The following PEAK1 variants were observed in gnomAD, a reference collection of about 807,000 sequenced individuals.
PEAK1 encodes pseudopodium enriched atypical kinase 1.
In PEAK1, 54 loss-of-function variants were observed where a neutral mutation model predicts 124.7. The observed-to-expected ratio is 0.43, with a 90% CI of 0.35 to 0.54. The LOEUF (loss-of-function observed/expected upper bound fraction) is 0.54. Ranked by LOEUF, PEAK1 falls within the 20% of genes least tolerant of loss-of-function variation. The pLI is 0.01. For synonymous variants in PEAK1, 719 were observed against 760.0 expected (o/e 0.95, Z 0.89); for missense variants, 2,046 against 2,134.5 (o/e 0.96, Z 0.82).
At chr15:77,403,066 A>T in intron 1 of PEAK1, 1 of 985,206 alleles carries the variant, frequency 1.0e-6, no homozygotes, top group Non-Finnish European at 1.2e-6. Flanking sequence ...AAAAAGATGG[A>T]GTTTCTCTCA....
chr15:77,131,325 T>C (rs1385612268), intron 9 of PEAK1, among the ~76,000 whole-genome samples: 1 of 152,040 alleles, frequency 6.6e-6, no homozygotes, highest in Non-Finnish European at 1.5e-5. Flanking sequence ...AAACCCCGTG[T>C]CTACTAAAAA....
chr15:77,150,643 C>G (rs1159506199), intron 8 of PEAK1, among the ~76,000 whole-genome samples: 1 of 149,648 alleles, frequency 6.7e-6, no homozygotes, highest in Non-Finnish European at 1.5e-5. Context: ...GGTATATCTC[C>G]TAATGCTATC....
intron 2 of PEAK1, among the ~76,000 whole-genome samples, chr15:77,286,787 C>A (rs2062952714): frequency 6.6e-6 from 1 of 152,086 alleles, no homozygotes; most frequent in African/African-American, 2.4e-5. Flanking sequence ...ATAGCAGTAC[C>A]TCTGCTAAAG....
At chr15:77,360,380 T>C (rs1240396183) in intron 2 of PEAK1, among the ~76,000 whole-genome samples, 2 of 152,050 alleles carry the variant, frequency 1.3e-5, no homozygotes, top group Non-Finnish European at 2.9e-5. Context: ...AATAAGTAAA[T>C]AAATACTTTT....
intron 1 of PEAK1, chr15:77,402,129 G>A: frequency 1.1e-6 from 1 of 929,348 alleles, no homozygotes; most frequent in Admixed American, 6.5e-5. Context: ...AACCCGGGAG[G>A]CAGAGGTTGT....
chr15:77,134,545 A>G (rs2053153715), intron 8 of PEAK1, among the ~76,000 whole-genome samples: 1 of 152,240 alleles, frequency 6.6e-6, no homozygotes, highest in Non-Finnish European at 1.5e-5. Flanking sequence ...AGCCCTAGTT[A>G]GAGAACCATT....
rs1005844153 is a variant in PEAK1 at position 77,282,032 on chromosome 15, G to C, written c.-275+1851C>G. On this transcript the variant is annotated intron_variant, in intron 5 of 9. Transcript: ENST00000682557. ...GCTAAGCAGCAATACACTTACAAAA[G>C]AAAAAACCAATCAATATTTCCATAT... Among the ~76,000 whole-genome samples, 3 of 152,014 alleles carry C rather than the reference G, an allele frequency of 2.0e-5. 1 individual carries two copies. The highest frequency in any genetic ancestry group is 2.9e-5 in the Non-Finnish European group (2 of 67,964).
intron 5 of PEAK1, among the ~76,000 whole-genome samples, chr15:77,279,162 G>C (rs2062524035): frequency 6.6e-6 from 1 of 151,640 alleles, no homozygotes; most frequent in South Asian, 2.1e-4. Context: ...TTAGCACACA[G>C]AACACTTACT....
chr15:77,156,073 TTG>T (rs1221988116), intron 8 of PEAK1: 2 of 152,948 alleles, frequency 1.3e-5, no homozygotes, highest in Admixed American at 1.3e-4. Flanking sequence ...TGCTGTCCTT[TTG>T]TTTGTCTGTG....
At position 77,286,518 on chromosome 15, in the gene PEAK1, C is replaced by A. The variant is rs776193686; in HGVS notation, c.-602-14G>T. On this transcript the variant is annotated splice_polypyrimidine_tract_variant and intron_variant, in intron 2 of 9. Transcript: ENST00000682557. ...AGTATTCTTTTCCTATTAGAAGATG[C>A]AAAGTGGGGAAGATATATTAATAAA... 1.4e-5 allele frequency: 17 copies of A among 1,191,630 alleles called. No homozygotes were observed. Among genetic ancestry groups the A allele is most frequent in the Non-Finnish European group, 1.7e-5 (16 of 951,900 alleles). 73.8% of individuals were successfully genotyped at this position (1,191,630 alleles called of 1,614,324 possible). A position where few individuals can be genotyped will look rare whatever the true frequency, so the allele number is the denominator to read the frequency against.
chr15:77,236,641 G>A (rs1375052028), intron 6 of PEAK1, among the ~76,000 whole-genome samples: 1 of 152,120 alleles, frequency 6.6e-6, no homozygotes, highest in African/African-American at 2.4e-5. Context: ...ACTGTTGGAA[G>A]GGTAAGATTG....
intron 2 of PEAK1, among the ~76,000 whole-genome samples, chr15:77,326,056 C>A (rs1167294136): frequency 1.3e-5 from 2 of 152,014 alleles, no homozygotes; most frequent in African/African-American, 2.4e-5. Context: ...ACTAAATGTT[C>A]TAAATTGTAA....
At chr15:77,314,386 T>A (rs796713137) in intron 2 of PEAK1, among the ~76,000 whole-genome samples, 38 of 152,194 alleles carry the variant, frequency 2.5e-4, no homozygotes, top group African/African-American at 8.7e-4. Context: ...TCTTTTTTTT[T>A]AAGACAGAGT....
chr15:77,288,331 A>G (rs892248648), intron 2 of PEAK1, among the ~76,000 whole-genome samples: 3 of 152,174 alleles, frequency 2.0e-5, no homozygotes, highest in African/African-American at 7.2e-5. Flanking sequence ...TCTCTTTGCC[A>G]GTATATCTTT....
At chr15:77,356,558 G>C (rs1393348304) in intron 2 of PEAK1, among the ~76,000 whole-genome samples, 4 of 152,154 alleles carry the variant, frequency 2.6e-5, no homozygotes, top group Non-Finnish European at 5.9e-5. Flanking sequence ...ATTGACAAGA[G>C]TCATGGATAG....
At chr15:77,115,340 T>C in intron 9 of PEAK1, 21 bp from the exon 10 acceptor site, 1 of 1,593,802 alleles carries the variant, frequency 6.3e-7, no homozygotes, top group South Asian at 1.1e-5. Flanking sequence ...ATAAAACAAT[T>C]CAAAACTCAC....
At chr15:77,216,183 C>G (rs1023894087) in intron 6 of PEAK1, among the ~76,000 whole-genome samples, 15 of 152,204 alleles carry the variant, frequency 9.9e-5, no homozygotes, top group African/African-American at 3.6e-4. Flanking sequence ...AAACAGTACA[C>G]TGCTCCATTT....
intron 6 of PEAK1, among the ~76,000 whole-genome samples, 181 bp from the exon 7 acceptor site, chr15:77,182,221 A>T (rs2057310390): frequency 6.6e-6 from 1 of 152,190 alleles, no homozygotes; most frequent in Non-Finnish European, 1.5e-5. Context: ...TTGGAAAGTG[A>T]GCTTTTTAAC....
chr15:77,281,473 A>G (rs1392853274), intron 5 of PEAK1, among the ~76,000 whole-genome samples: 1 of 152,156 alleles, frequency 6.6e-6, no homozygotes, highest in Non-Finnish European at 1.5e-5. Flanking sequence ...CTTATATTAA[A>G]ATGTTCTGTT....
Sources: gnomAD v4.1 joint callset for allele counts (sites outside exome capture counted in the v4.1 genomes callset) on GRCh38, gnomAD v4.1.1 for gene constraint, MANE v1.5 for transcripts, NCBI Gene and HGNC (gene_info 2026-07-23, HGNC 2026-07-21) for gene names.